Variants in ARSG observed in about 807,000 individuals in gnomAD.
ARSG encodes the protein arylsulfatase G, also known as ASG.
In ARSG, 37 loss-of-function variants were observed where a neutral mutation model predicts 50.5. That is an observed-to-expected ratio of 0.73 (90% CI 0.56 to 0.96). The LOEUF (loss-of-function observed/expected upper bound fraction) is 0.96, where lower values mean the gene tolerates loss of function less well. Ranked by LOEUF, ARSG falls within the 50% of genes least tolerant of loss-of-function variation. ARSG has a pLI of 0.00. For missense variants in ARSG, 629 were observed against 675.3 expected, an observed-to-expected ratio of 0.93 and a Z score of 0.76; for synonymous variants, 225 against 254.6, an observed-to-expected ratio of 0.88 and a Z score of 1.11.
chr17:68,449,991 A>G, the ARSG span, among the ~76,000 whole-genome samples: 2 of 152,206 alleles, frequency 1.3e-5, no homozygotes, highest in East Asian at 3.8e-4. Flanking sequence ...AGCCTGGGCA[A>G]TAGGGCAAGA....
At chr17:68,365,852 A>G (rs1184444651) in intron 6 of ARSG, among the ~76,000 whole-genome samples, 1 of 152,220 alleles carries the variant, frequency 6.6e-6, no homozygotes, top group Non-Finnish European at 1.5e-5. Context: ...AAATAACCCC[A>G]TGAGCCTACA....
At chr17:68,450,932 T>C in the ARSG span, 1,120,189 of 1,590,842 alleles carry the variant, frequency 0.7, 396,204 homozygotes, top group South Asian at 0.72. Flanking sequence ...TTACATGGAT[T>C]GATCACTTCC....
chr17:68,379,869 G>A, intron 8 of ARSG: 9 of 985,230 alleles, frequency 9.1e-6, no homozygotes, highest in Non-Finnish European at 9.6e-6. Flanking sequence ...CACTTCTCTG[G>A]CAGGCATTAT....
intron 11 of ARSG, among the ~76,000 whole-genome samples, chr17:68,416,556 T>TA (rs1417695544): frequency 6.6e-6 from 1 of 152,216 alleles, no homozygotes; most frequent in Non-Finnish European, 1.5e-5. Flanking sequence ...TTCCCCCAAA[T>TA]ATGTTTTCCA....
chr17:68,421,771 C>T, downstream of ARSG: 1 of 1,614,186 alleles, frequency 6.2e-7, no homozygotes, highest in Non-Finnish European at 8.5e-7. Flanking sequence ...GTGTGCTTCT[C>T]ATCATGACTG....
the ARSG span, among the ~76,000 whole-genome samples, chr17:68,432,890 C>G: frequency 2.0e-5 from 3 of 152,144 alleles, no homozygotes; most frequent in Admixed American, 6.5e-5. Context: ...CCATTCTGCA[C>G]AGGTGTAACT....
At chr17:68,284,852 C>T (rs925836278) in intron 1 of ARSG, among the ~76,000 whole-genome samples, 2 of 152,172 alleles carry the variant, frequency 1.3e-5, no homozygotes, top group Non-Finnish European at 2.9e-5. Context: ...AAGGCCTTTG[C>T]ATTTTGATGT....
chr17:68,297,503 A>T lies in ARSG; in HGVS notation c.-552+5935A>T, dbSNP rs141773263. On this transcript the variant is annotated intron_variant, in intron 1 of 11. Coordinates refer to ENST00000621439, the MANE Select transcript of ARSG (RefSeq NM_001267727.2). Reference sequence around the variant, plus strand: ...CGTGTTTGTAGCTTCTGTCTTCTCTAGGTTCAGAAACCAGCATCAGAGCTT... The same window carrying T: ...CGTGTTTGTAGCTTCTGTCTTCTCTTGGTTCAGAAACCAGCATCAGAGCTT... 5.9e-5 allele frequency among the ~76,000 whole-genome samples: 9 copies of T among 152,282 alleles called. No homozygotes were observed. The East Asian group carries it at 1.5e-3, about 26-fold the overall frequency.
At chr17:68,437,010 A>ATGTGTGTGTGTG in the ARSG span, among the ~76,000 whole-genome samples, 1,879 of 77,878 alleles carry the variant, frequency 0.024, 27 homozygotes, top group Non-Finnish European at 0.035. Flanking sequence ...AAAAAAATAT[A>ATGTGTGTGTGTG]TATATATGTG....
intron 2 of ARSG, among the ~76,000 whole-genome samples, chr17:68,316,785 C>T (rs782489353): frequency 1.3e-5 from 2 of 152,100 alleles, no homozygotes; most frequent in South Asian, 2.1e-4. Flanking sequence ...CCTATGACAC[C>T]GGCCCTGCTC....
In ARSG at chr17:68,368,602, C is replaced by A; in HGVS notation, c.759C>A (p.Pro253=). ...TGGCTCTGGCCCACATGCACGTGCC[C>A]TTACCTGTGACTCAGCTACCAGCAG... ...LYVALAHMHV[P]LPVTQLPAAP... The change falls in exon 7 of 12, where the codon CCC becomes CCA. Residue 253 remains proline, a synonymous_variant. Transcript: ENST00000621439. 1 of 1,614,214 alleles carries A rather than the reference C, an allele frequency of 6.2e-7. No individual in the cohort carries two copies. Among genetic ancestry groups the A allele is most frequent in the South Asian group, 1.1e-5 (1 of 91,078 alleles).
At chr17:68,424,438 C>T, downstream of ARSG, 1 of 534,712 alleles carries the variant, frequency 1.9e-6, no homozygotes. Flanking sequence ...GACCTGCACT[C>T]CATCCTTTTA....
At chr17:68,272,001 CTG>C (rs2075357376) in intron 1 of ARSG, among the ~76,000 whole-genome samples, 1 of 152,174 alleles carries the variant, frequency 6.6e-6, no homozygotes, top group South Asian at 2.1e-4. Context: ...CAGGGTTTCA[CTG>C]TGTTGGCCAG....
the ARSG span, among the ~76,000 whole-genome samples, chr17:68,432,410 C>G: frequency 6.6e-6 from 1 of 152,210 alleles, no homozygotes; most frequent in Non-Finnish European, 1.5e-5. Context: ...CTCTTTCAGC[C>G]TTGTGTCATG....
intron 1 of ARSG, among the ~76,000 whole-genome samples, chr17:68,301,207 G>T (rs951486940): frequency 6.6e-6 from 1 of 151,966 alleles, no homozygotes; most frequent in African/African-American, 2.4e-5. Context: ...TGCATCTTCT[G>T]TTGAGCTTAG....
chr17:68,307,828 T>A (rs890359249), intron 2 of ARSG, 117 bp downstream of exon 2: 4 of 627,564 alleles, frequency 6.4e-6, no homozygotes, highest in Non-Finnish European at 1.1e-5. Flanking sequence ...CTGATTTAGT[T>A]AATTTATTAA....
intron 6 of ARSG, among the ~76,000 whole-genome samples, chr17:68,362,625 A>G (rs1330885656): frequency 6.6e-6 from 1 of 151,900 alleles, no homozygotes; most frequent in African/African-American, 2.4e-5. Context: ...AGTATTTCAG[A>G]TTTTGGATTT....
intron 10 of ARSG, among the ~76,000 whole-genome samples, chr17:68,397,056 C>T (rs116088420): frequency 1.8e-4 from 27 of 152,298 alleles, no homozygotes; most frequent in African/African-American, 6.0e-4. Flanking sequence ...TTGACGTTGT[C>T]GGTACTGCCT....
intron 2 of ARSG, among the ~76,000 whole-genome samples, chr17:68,323,296 T>C (rs1555771237): frequency 1.3e-5 from 2 of 152,184 alleles, no homozygotes; most frequent in Non-Finnish European, 2.9e-5. Context: ...CTCTAATTTA[T>C]AAATTCTAGG....
Sources: gnomAD v4.1 joint callset for allele counts (sites outside exome capture counted in the v4.1 genomes callset) on GRCh38, gnomAD v4.1.1 for gene constraint, MANE v1.5 for transcripts, NCBI Gene and HGNC (gene_info 2026-07-23, HGNC 2026-07-21) for gene names.